ZSWIM6: variants seen among roughly 807,000 people sequenced by gnomAD.
The protein encoded by ZSWIM6 is zinc finger SWIM-type containing 6.
Under a neutral mutation model 113.2 loss-of-function variants are expected in ZSWIM6, and 9 were observed. The ratio of observed to expected loss-of-function variants is 0.08; its 90% CI spans 0.05 to 0.14. ZSWIM6 has a LOEUF of 0.14. Ranked by LOEUF, ZSWIM6 falls within the 10% of genes least tolerant of loss-of-function variation. The pLI, the probability that ZSWIM6 is intolerant of heterozygous loss-of-function variation, is 1.00. For missense variants in ZSWIM6, 1,162 were observed against 1,552.2 expected, an observed-to-expected ratio of 0.75 and a Z score of 4.22; for synonymous variants, 611 against 606.5, an observed-to-expected ratio of 1.01 and a Z score of -0.11.
At chr5:61,335,681 A>G (rs1744376693) in intron 1 of ZSWIM6, among the ~76,000 whole-genome samples, 2 of 152,252 alleles carry the variant, frequency 1.3e-5, no homozygotes, top group South Asian at 4.1e-4. Context: ...GAAAGTATTC[A>G]TTGACTTTTG....
At chr5:61,368,573 C>T (rs1045645253) in intron 1 of ZSWIM6, among the ~76,000 whole-genome samples, 3 of 152,106 alleles carry the variant, frequency 2.0e-5, no homozygotes, top group Admixed American at 6.5e-5. Flanking sequence ...TTTAAAATAA[C>T]GTTTGGGCTT....
chr5:61,541,668 C>T (rs1749741743), intron 12 of ZSWIM6, among the ~76,000 whole-genome samples: 2 of 152,182 alleles, frequency 1.3e-5, no homozygotes. Flanking sequence ...AGAATATGGG[C>T]CTCTTGCCAG....
chr5:61,498,030 C>T (rs901662668), intron 4 of ZSWIM6, among the ~76,000 whole-genome samples: 1 of 152,084 alleles, frequency 6.6e-6, no homozygotes, highest in African/African-American at 2.4e-5. Context: ...ACACTGTAAC[C>T]TCGCATCTGT....
In ZSWIM6 at chr5:61,491,058, C is replaced by G. The variant is rs370562881; in HGVS notation, c.1182+124C>G. The G allele has an allele frequency of 2.3e-4, 196 of 856,236 alleles. No individual in the cohort carries two copies. In the East Asian group the frequency reaches 5.9e-3, roughly 26 times the overall value. 53.0% of individuals were successfully genotyped at this position (856,236 alleles called of 1,614,324 possible). On this transcript the variant is annotated intron_variant, in intron 3 of 13. Transcript: ENST00000252744. ...ATTAAAGAACAGGGTCTTAGCTGAC[C>G]AATAGAAACTTTTGTATTGTAATGC...
chr5:61,471,279 T>C (rs1747563466), intron 1 of ZSWIM6, among the ~76,000 whole-genome samples: 1 of 152,202 alleles, frequency 6.6e-6, no homozygotes. Context: ...AGGCTTATCC[T>C]TGGCCACTGA....
chr5:61,414,517 C>G (rs573352384), intron 1 of ZSWIM6, among the ~76,000 whole-genome samples: 2 of 151,842 alleles, frequency 1.3e-5, no homozygotes, highest in African/African-American at 4.8e-5. Flanking sequence ...AGAATTAGGG[C>G]AGAGGAAAAA....
chr5:61,367,923 A>G (rs1266233405), intron 1 of ZSWIM6, among the ~76,000 whole-genome samples: 1 of 152,060 alleles, frequency 6.6e-6, no homozygotes, highest in Non-Finnish European at 1.5e-5. Context: ...GGAGTTTGAG[A>G]CCAGCCTCTG....
intron 1 of ZSWIM6, among the ~76,000 whole-genome samples, chr5:61,366,398 G>C (rs1218229828): frequency 1.3e-5 from 2 of 151,854 alleles, no homozygotes; most frequent in Admixed American, 6.6e-5. Context: ...TGAAATGTGT[G>C]GTATCCTCAG....
chr5:61,449,965 G>C (rs1038643836), intron 1 of ZSWIM6, among the ~76,000 whole-genome samples: 1 of 152,162 alleles, frequency 6.6e-6, no homozygotes. Context: ...ACACAGAGAT[G>C]GGTTGGGGCA....
intron 1 of ZSWIM6, among the ~76,000 whole-genome samples, chr5:61,333,911 C>T (rs997528994): frequency 5.3e-5 from 8 of 152,080 alleles, no homozygotes; most frequent in African/African-American, 1.9e-4. Context: ...AAGGGGCGAG[C>T]GGGCTGCAGG....
At chr5:61,345,976 G>A (rs926613699) in intron 1 of ZSWIM6, among the ~76,000 whole-genome samples, 5 of 152,032 alleles carry the variant, frequency 3.3e-5, no homozygotes, top group Non-Finnish European at 5.9e-5. Context: ...ACAGAGTGTC[G>A]CTCTGTGGCC....
intron 3 of ZSWIM6, 82 bp downstream of exon 3, chr5:61,491,016 G>T: frequency 7.8e-7 from 1 of 1,290,164 alleles, no homozygotes; most frequent in Non-Finnish European, 1.0e-6. Flanking sequence ...TCTACAATAG[G>T]ATAAAGACTT....
In ZSWIM6 at chr5:61,388,310, G is replaced by A. The variant is rs1745631776; in HGVS notation, c.676+55362G>A. Among the ~76,000 whole-genome samples the A allele has an allele frequency of 2.0e-5, 3 of 152,180 alleles. No individual in the cohort carries two copies. In the South Asian group the frequency reaches 6.2e-4, roughly 32 times the overall value. ...GTGCTGCTTTTTAAATCAGTTGTGT[G>A]TTTGTAAAAGTCTATACTCTAGAAC... On this transcript the variant is annotated intron_variant, in intron 1 of 13. Coordinates refer to ENST00000252744, the MANE Select transcript of ZSWIM6 (RefSeq NM_020928.2).
intron 1 of ZSWIM6, among the ~76,000 whole-genome samples, chr5:61,460,636 A>G (rs1218696118): frequency 6.6e-6 from 1 of 152,188 alleles, no homozygotes; most frequent in Non-Finnish European, 1.5e-5. Flanking sequence ...TTGTCCAATA[A>G]TGCAGTGACT....
intron 1 of ZSWIM6, among the ~76,000 whole-genome samples, chr5:61,390,502 C>G (rs963716594): frequency 6.6e-6 from 1 of 152,112 alleles, no homozygotes; most frequent in Non-Finnish European, 1.5e-5. Flanking sequence ...CTTGTACTGT[C>G]TTTTTTCCGC....
At chr5:61,483,248 A>G (rs1747925160) in intron 2 of ZSWIM6, among the ~76,000 whole-genome samples, 1 of 152,054 alleles carries the variant, frequency 6.6e-6, no homozygotes, top group Non-Finnish European at 1.5e-5. Context: ...TCTTATAAAG[A>G]CACCAGTTCC....
intron 1 of ZSWIM6, among the ~76,000 whole-genome samples, chr5:61,386,499 C>A (rs1284633481): frequency 6.6e-6 from 1 of 152,110 alleles, no homozygotes; most frequent in African/African-American, 2.4e-5. Context: ...GGTGAAACTC[C>A]ATGGCTACCC....
chr5:61,476,004 C>T (rs1000621948), intron 2 of ZSWIM6, among the ~76,000 whole-genome samples: 2 of 152,020 alleles, frequency 1.3e-5, no homozygotes, highest in African/African-American at 2.4e-5. Context: ...ACTTTTACCT[C>T]GCATAGATAA....
intron 2 of ZSWIM6, among the ~76,000 whole-genome samples, chr5:61,479,584 TATTC>T (rs1747801894): frequency 6.6e-6 from 1 of 152,198 alleles, no homozygotes; most frequent in Non-Finnish European, 1.5e-5. Flanking sequence ...AAGAGCTTAT[TATTC>T]CCATCTCCCC....
Sources: allele counts gnomAD v4.1 joint callset (sites outside exome capture counted in the v4.1 genomes callset), GRCh38; gene constraint gnomAD v4.1.1; transcripts MANE v1.5; gene names NCBI Gene and HGNC (gene_info 2026-07-23, HGNC 2026-07-21).